The following MNDA variants were observed in gnomAD, a reference collection of about 807,000 sequenced individuals.
The protein encoded by MNDA is myeloid cell nuclear differentiation antigen.
A neutral mutation model predicts 37.8 loss-of-function variants in MNDA; 43 were observed. The ratio of observed to expected loss-of-function variants is 1.14; its 90% confidence interval spans 0.89 to 1.47. The LOEUF is 1.47. Among genes scored for constraint, MNDA ranks in the 40% most tolerant of loss-of-function variants. The probability of loss-of-function intolerance (pLI) is 0.00; values close to 1 mark genes in which losing one functional copy is unlikely to be tolerated. For missense variants in MNDA, 536 were observed against 476.0 expected (o/e 1.13, Z -1.17); for synonymous variants, 181 against 169.0 (o/e 1.07, Z -0.55).
Position 158,844,112 on chromosome 1 carries a change from C to G in MNDA, c.560C>G (p.Ser187Trp). 1 of 1,579,632 alleles carries G rather than the reference C, an allele frequency of 6.3e-7. No individual in the cohort carries two copies. The highest frequency in any genetic ancestry group is 2.3e-5 in the East Asian group (1 of 44,338). Reference protein sequence around the residue: ...QTSSSTPSNTSFTPNQETQAQ... With the variant: ...QTSSSTPSNTWFTPNQETQAQ... ...TCATCATCAACTCCATCCAACACTTCGTTTACTCCGGTACACTCTTCCTGG... is the reference window on the plus strand; with the variant it reads ...TCATCATCAACTCCATCCAACACTTGGTTTACTCCGGTACACTCTTCCTGG... The change falls in exon 4 of 7, where the codon TCG becomes TGG. Residue 187 changes from serine to tryptophan, a missense_variant. Coordinates refer to ENST00000368141, the MANE Select transcript of MNDA (RefSeq NM_002432.3).
rs1328461121 is a variant in MNDA at position 158,831,483 on chromosome 1, G to C, written c.-95G>C. ...AGTTTAATCTCTCCAAAGCTTTACG[G>C]ACAGTGATTCTGTCCTAAACAAGAC... On this transcript the variant is annotated 5_prime_UTR_variant, in exon 1 of 7. Coordinates refer to ENST00000368141, the MANE Select transcript of MNDA (RefSeq NM_002432.3). 6.6e-6 allele frequency: 1 copy of C among 152,158 alleles called. No individual in the cohort carries two copies. Among genetic ancestry groups the C allele is most frequent in the East Asian group, 1.9e-4 (1 of 5,192 alleles). 9.4% of individuals were successfully genotyped at this position (152,158 alleles called of 1,614,324 possible).
chr1:158,843,381 C>A lies in MNDA; in HGVS notation c.368C>A (p.Thr123Lys). 6.2e-7 allele frequency: 1 copy of A among 1,611,596 alleles called. No homozygotes were observed. The highest frequency in any genetic ancestry group is 8.5e-7 in the Non-Finnish European group (1 of 1,178,896). The change falls in exon 3 of 7, where the codon ACA becomes AAA. Residue 123 changes from threonine (T) to lysine (K), a missense_variant. Physicochemically the swap from Thr to Lys is moderately conservative, Grantham distance 78. Coordinates refer to ENST00000368141, the MANE Select transcript of MNDA (RefSeq NM_002432.3). The part of the protein sequence containing the change: ...APAPTARNKL[T>K]SEARGRIPVA... ...GCACCCACCGCAAGAAACAAACTGA[C>A]ATCGGAAGCAAGAGGGAGGATTCCT...
intron 1 of MNDA, 60 bp from the exon 2 acceptor site, chr1:158,842,074 C>G: frequency 1.4e-6 from 2 of 1,453,010 alleles, no homozygotes; most frequent in South Asian, 2.7e-5. Flanking sequence ...AAAAGCATAT[C>G]TCATTTTTTA....
chr1:158,842,385 C>T lies in MNDA; in HGVS notation c.232C>T (p.Leu78Phe). The T allele has an allele frequency of 6.2e-7, 1 of 1,612,290 alleles. No homozygotes were observed. Among genetic ancestry groups the T allele is most frequent in the African/African-American group, 1.3e-5 (1 of 74,770 alleles). Residue 78 changes from leucine (L) to phenylalanine (F), a missense_variant, in exon 2 of 7, where the codon CTT (leucine) becomes TTT (phenylalanine). Transcript: ENST00000368141. ...LAKDMPSLKNLVNNLRKEKSK... is the reference protein window; with the variant it reads ...LAKDMPSLKNFVNNLRKEKSK... ...CAAAGATATGCCATCACTTAAAAAC[C>T]TTGTTAACAATCTTCGAAAAGAGAA... is the stretch of plus-strand genomic sequence containing the variant.
At chr1:158,838,581 A>G (rs531909377) in intron 1 of MNDA, among the ~76,000 whole-genome samples, 1 of 152,092 alleles carries the variant, frequency 6.6e-6, no homozygotes, top group African/African-American at 2.4e-5. Flanking sequence ...TGAGTTTATC[A>G]TAGTTGCAGC....
At chr1:158,847,614 T>C in intron 5 of MNDA, 114 bp from the exon 6 acceptor site, 1 of 965,600 alleles carries the variant, frequency 1.0e-6, no homozygotes, top group Non-Finnish European at 1.5e-6. Flanking sequence ...ACATGTATGA[T>C]CTGTACCTGT....
At position 158,847,814 on chromosome 1, in the gene MNDA, T is replaced by G. The variant is rs1390505767; in HGVS notation, c.1074T>G (p.Asn358Lys). Reference protein sequence around the residue: ...MDVVGSGKWHNIKCEKGDKLR... With the variant: ...MDVVGSGKWHKIKCEKGDKLR... The stretch of plus-strand genomic sequence containing the variant: ...TAGTGGGGAGTGGAAAATGGCACAA[T>G]ATCAAGTGTGAGAAAGGAGATAAAC... The change falls in exon 6 of 7, where the codon AAT (asparagine) becomes AAG (lysine). Residue 358 changes from asparagine (N) to lysine (K), a missense_variant. Coordinates refer to ENST00000368141, the MANE Select transcript of MNDA (RefSeq NM_002432.3). The G allele has an allele frequency of 6.2e-7, 1 of 1,614,038 alleles. No homozygotes were observed. Among genetic ancestry groups the G allele is most frequent in the Non-Finnish European group, 8.5e-7 (1 of 1,179,926 alleles).
chr1:158,842,113 T>C lies in MNDA; in HGVS notation c.-20-21T>C, dbSNP rs1262719202. ...TTGTCTGCATAAATGTGTAATGTTGTGTGTCATTTTTACTTTATAGGCCAA... is the reference window on the plus strand; with the variant it reads ...TTGTCTGCATAAATGTGTAATGTTGCGTGTCATTTTTACTTTATAGGCCAA... On this transcript the variant is annotated intron_variant, in intron 1 of 6. Coordinates refer to ENST00000368141, the MANE Select transcript of MNDA (RefSeq NM_002432.3). 1.7e-5 allele frequency: 26 copies of C among 1,556,718 alleles called. No homozygotes were observed. The Admixed American group carries it at 5.2e-4, about 31-fold the overall frequency.
chr1:158,831,689 T>C (rs960459419), intron 1 of MNDA, 132 bp downstream of exon 1: 3 of 152,210 alleles, frequency 2.0e-5, no homozygotes, highest in Non-Finnish European at 4.4e-5. Flanking sequence ...GAGAACTGAA[T>C]GCTTTAACTG....
In MNDA at chr1:158,849,382, T is replaced by A; in HGVS notation, c.*145T>A. The A allele has an allele frequency of 1.7e-6, 1 of 573,070 alleles. No individual in the cohort carries two copies. Among genetic ancestry groups the A allele is most frequent in the Non-Finnish European group, 2.8e-6 (1 of 352,352 alleles). The allele number at this position is 573,070 out of a possible 1,614,324, so 35.5% of individuals were successfully genotyped here. A position where few individuals can be genotyped will look rare whatever the true frequency, so the allele number is the denominator to read the frequency against. Reference sequence around the variant, plus strand: ...ATATTAAGAGCTTTTATAACTGAGTTATAGATTAGTTTGCTTTCTGGAATA... The same window carrying A: ...ATATTAAGAGCTTTTATAACTGAGTAATAGATTAGTTTGCTTTCTGGAATA... On this transcript the variant is annotated 3_prime_UTR_variant, in exon 7 of 7. Transcript: ENST00000368141.
At chr1:158,832,855 T>C (rs1174232050) in intron 1 of MNDA, among the ~76,000 whole-genome samples, 1 of 152,046 alleles carries the variant, frequency 6.6e-6, no homozygotes, top group African/African-American at 2.4e-5. Context: ...ATTGAAAATT[T>C]TTCCTCCTAG....
chr1:158,832,364 T>G (rs560476336), intron 1 of MNDA, among the ~76,000 whole-genome samples: 1 of 152,010 alleles, frequency 6.6e-6, no homozygotes, highest in East Asian at 1.9e-4. Flanking sequence ...TAATTATGTT[T>G]GAAAAATCTA....
chr1:158,834,585 T>G (rs1658871724), intron 1 of MNDA, among the ~76,000 whole-genome samples: 1 of 152,162 alleles, frequency 6.6e-6, no homozygotes, highest in Non-Finnish European at 1.5e-5. Context: ...TTTACTCTGT[T>G]AATTGTGTCT....
intron 1 of MNDA, among the ~76,000 whole-genome samples, chr1:158,839,281 C>T (rs371752922): frequency 7.2e-5 from 11 of 152,148 alleles, no homozygotes; most frequent in Non-Finnish European, 1.0e-4. Flanking sequence ...CCTATATGGA[C>T]GTGTGTCTTG....
chr1:158,837,663 G>A (rs947243840), intron 1 of MNDA, among the ~76,000 whole-genome samples: 3 of 151,588 alleles, frequency 2.0e-5, no homozygotes, highest in African/African-American at 7.3e-5. Context: ...TGATATATAT[G>A]TATATATAAT....
chr1:158,842,214 C>A lies in MNDA; in HGVS notation c.61C>A (p.His21Asn), dbSNP rs1387604482. The change falls in exon 2 of 7, where the codon CAT (histidine) becomes AAT (asparagine). Residue 21 changes from histidine (H) to asparagine (N), a missense_variant. His to Asn is a moderately conservative substitution (Grantham distance 68). Coordinates refer to ENST00000368141, the MANE Select transcript of MNDA (RefSeq NM_002432.3). ...LKGFELMDDY[H>N]FTSIKSLLAY... ...AGGATTTGAGCTCATGGATGATTATCATTTTACATCAATTAAGTCCTTACT... is the reference window on the plus strand; with the variant it reads ...AGGATTTGAGCTCATGGATGATTATAATTTTACATCAATTAAGTCCTTACT... 1 of 1,613,802 alleles carries A rather than the reference C, an allele frequency of 6.2e-7. No homozygotes were observed. Among genetic ancestry groups the A allele is most frequent in the Non-Finnish European group, 8.5e-7 (1 of 1,179,796 alleles).
intron 5 of MNDA, among the ~76,000 whole-genome samples, chr1:158,847,417 T>A (rs1659155329): frequency 6.6e-6 from 1 of 152,198 alleles, no homozygotes; most frequent in South Asian, 2.1e-4. Context: ...GCCAAGAAGT[T>A]CTATAGGAAT....
At chr1:158,835,853 A>C (rs1343873412) in intron 1 of MNDA, among the ~76,000 whole-genome samples, 1 of 151,808 alleles carries the variant, frequency 6.6e-6, no homozygotes, top group Non-Finnish European at 1.5e-5. Flanking sequence ...AATTTTGTCA[A>C]ATGCTTTATT....
At position 158,837,025 on chromosome 1, in the gene MNDA, A is replaced by G. The variant is rs149109723; in HGVS notation, c.-20-5109A>G. 1.9e-3 allele frequency among the ~76,000 whole-genome samples: 281 copies of G among 151,494 alleles called. 1 individual carries two copies. Among genetic ancestry groups the G allele is most frequent in the African/African-American group, 6.4e-3 (266 of 41,404 alleles). ...GAATTTTCTAGTTTTCTTTCTGTTG[A>G]TTTCTACTTTTATTCCATTATGATA... On this transcript the variant is annotated intron_variant, in intron 1 of 6. Transcript: ENST00000368141.
Sources: allele counts gnomAD v4.1 joint callset (sites outside exome capture counted in the v4.1 genomes callset), GRCh38; gene constraint gnomAD v4.1.1; transcripts MANE v1.5; gene names NCBI Gene and HGNC (gene_info 2026-07-23, HGNC 2026-07-21).